The following BABAM2 variants were observed in gnomAD, a reference collection of about 807,000 sequenced individuals.
BABAM2 encodes BRISC and BRCA1 A complex member 2.
Under a neutral mutation model 54.7 loss-of-function variants are expected in BABAM2, and 31 were observed. The ratio of observed to expected loss-of-function variants is 0.57; its 90% CI spans 0.43 to 0.77. The LOEUF (loss-of-function observed/expected upper bound fraction) is 0.77, where lower values mean the gene tolerates loss of function less well. Among genes scored for constraint, BABAM2 ranks in the 30% least tolerant of loss-of-function variants. The probability of loss-of-function intolerance (pLI) is 0.00; values close to 1 mark genes in which losing one functional copy is unlikely to be tolerated. For missense variants in BABAM2, 364 were observed against 455.8 expected (o/e 0.80, Z 1.83); for synonymous variants, 167 against 162.9 (o/e 1.03, Z -0.19).
intron 7 of BABAM2, among the ~76,000 whole-genome samples, chr2:28,133,537 T>C (rs1008464371): frequency 1.3e-5 from 2 of 152,080 alleles, no homozygotes; most frequent in South Asian, 2.1e-4. Flanking sequence ...AATAGCCCCA[T>C]CCACACTGGG....
chr2:28,272,740 G>C (rs1171101381), intron 10 of BABAM2, among the ~76,000 whole-genome samples: 11 of 152,184 alleles, frequency 7.2e-5, no homozygotes, highest in Non-Finnish European at 1.6e-4. Context: ...TTGCCTGGCA[G>C]GGAAGTTTCT....
At chr2:28,227,438 G>A (rs1177118485) in intron 7 of BABAM2, among the ~76,000 whole-genome samples, 2 of 152,152 alleles carry the variant, frequency 1.3e-5, no homozygotes, top group Non-Finnish European at 2.9e-5. Flanking sequence ...GTTAAGTAGT[G>A]TCTGTGTCCT....
At chr2:28,315,958 C>A (rs1252244146) in intron 11 of BABAM2, among the ~76,000 whole-genome samples, 3 of 152,140 alleles carry the variant, frequency 2.0e-5, no homozygotes. Context: ...GGCTTGGGTT[C>A]TTTCACCCCT....
intron 2 of BABAM2, among the ~76,000 whole-genome samples, chr2:27,925,189 G>A (rs767600054): frequency 6.6e-6 from 1 of 152,124 alleles, no homozygotes; most frequent in African/African-American, 2.4e-5. Flanking sequence ...AAACACAAAG[G>A]TGAGGTTTTG....
intron 4 of BABAM2, among the ~76,000 whole-genome samples, chr2:28,021,122 G>A (rs1032409426): frequency 3.9e-5 from 6 of 152,250 alleles, no homozygotes; most frequent in African/African-American, 1.4e-4. Flanking sequence ...CATAATTTTT[G>A]CCCAACTTTC....
chr2:27,973,889 A>G lies in BABAM2; in HGVS notation c.206-14104A>G, dbSNP rs146893289. Among the ~76,000 whole-genome samples the G allele has an allele frequency of 3.4e-3, 519 of 152,324 alleles. 1 individual carries two copies. The highest frequency in any genetic ancestry group is 0.012 in the African/African-American group (494 of 41,572). On this transcript the variant is annotated intron_variant, in intron 3 of 11. Transcript: ENST00000379624. The stretch of plus-strand genomic sequence containing the variant: ...TTCTGATGAATCAAGTCCACAGAAG[A>G]TGGTTTAGTGCTTTCACTCTGAACC...
rs996291926 is a variant in BABAM2 at position 28,304,012 on chromosome 2, C to T, written c.1088+5521C>T. On this transcript the variant is annotated intron_variant, in intron 11 of 11. Coordinates refer to ENST00000379624, the MANE Select transcript of BABAM2 (RefSeq NM_199191.3). The surrounding 1 kb of genome is among the most constrained non-coding windows in gnomAD (Gnocchi z 4.0). ...TCTTGTGCCTCAGCCTCCTGAGTAC[C>T]CAGGACTACAGACGTGTGCCACCAC... Among the ~76,000 whole-genome samples the T allele has an allele frequency of 6.6e-6, 1 of 151,954 alleles. No individual in the cohort carries two copies. Among genetic ancestry groups the T allele is most frequent in the Non-Finnish European group, 1.5e-5 (1 of 68,008 alleles).
Position 28,025,300 on chromosome 2 carries a change from C to T in BABAM2, c.375C>T (p.His125=), listed in dbSNP as rs749284333. The T allele has an allele frequency of 1.7e-5, 28 of 1,612,696 alleles. No homozygotes were observed. In the Admixed American group the frequency reaches 4.5e-4, roughly 26 times the overall value. The change falls in exon 5 of 12, where the codon CAC becomes CAT. Residue 125 remains histidine, a synonymous_variant. Coordinates refer to ENST00000379624, the MANE Select transcript of BABAM2 (RefSeq NM_199191.3). Reference sequence around the variant, plus strand: ...TGAAGGAACTTGTGCAACAATATCACCAATTCCAATGTAGCCGCCTCCGGG... The same window carrying T: ...TGAAGGAACTTGTGCAACAATATCATCAATTCCAATGTAGCCGCCTCCGGG... ...LVVKELVQQY[H]QFQCSRLRES... is the part of the protein sequence containing the mutation.
At chr2:28,275,070 C>G (rs1012889730) in intron 10 of BABAM2, among the ~76,000 whole-genome samples, 1 of 151,976 alleles carries the variant, frequency 6.6e-6, no homozygotes, top group Non-Finnish European at 1.5e-5. Flanking sequence ...GACTCAGCCT[C>G]TGCCTTCGTT....
At chr2:28,025,635 G>A (rs1675599581) in intron 5 of BABAM2, 1 of 472,250 alleles carries the variant, frequency 2.1e-6, no homozygotes. Context: ...AAGATTCAGA[G>A]TCTCATCCCC....
chr2:28,331,391 C>T (rs1469731167), intron 11 of BABAM2, among the ~76,000 whole-genome samples: 3 of 152,026 alleles, frequency 2.0e-5, no homozygotes, highest in Non-Finnish European at 4.4e-5. Flanking sequence ...ACAACCTACA[C>T]AATGGGAGAA....
At chr2:28,133,579 A>G (rs1183196815) in intron 7 of BABAM2, among the ~76,000 whole-genome samples, 1 of 152,218 alleles carries the variant, frequency 6.6e-6, no homozygotes, top group Non-Finnish European at 1.5e-5. Context: ...TTGCATTCCC[A>G]CCATCTCCTC....
intron 6 of BABAM2, among the ~76,000 whole-genome samples, chr2:28,120,322 A>G (rs578133695): frequency 6.6e-6 from 1 of 152,342 alleles, no homozygotes; most frequent in African/African-American, 2.4e-5. Context: ...TTTAGAAACT[A>G]AATGTAGAAC....
intron 3 of BABAM2, among the ~76,000 whole-genome samples, chr2:27,987,403 A>G (rs551569375): frequency 1.3e-5 from 2 of 152,334 alleles, no homozygotes; most frequent in East Asian, 3.9e-4. Flanking sequence ...GTTACCTGTA[A>G]AAATAATCAG....
chr2:28,264,633 G>A (rs948298867), intron 10 of BABAM2, among the ~76,000 whole-genome samples: 1 of 152,200 alleles, frequency 6.6e-6, no homozygotes, highest in African/African-American at 2.4e-5. Context: ...AGAAGGTAGA[G>A]CCCATTTGGA....
chr2:28,234,204 C>T (rs1681693234), intron 7 of BABAM2, among the ~76,000 whole-genome samples: 2 of 152,080 alleles, frequency 1.3e-5, no homozygotes, highest in South Asian at 4.1e-4. Flanking sequence ...GTTTTTTTCA[C>T]ATGTAAAATT....
chr2:28,072,862 G>A (rs1377850694), intron 6 of BABAM2, among the ~76,000 whole-genome samples: 1 of 152,198 alleles, frequency 6.6e-6, no homozygotes, highest in Non-Finnish European at 1.5e-5. Flanking sequence ...AACGACTACT[G>A]TCCTGTAACC....
At chr2:28,168,675 C>A (rs141278131) in intron 7 of BABAM2, among the ~76,000 whole-genome samples, 11 of 152,324 alleles carry the variant, frequency 7.2e-5, no homozygotes, top group African/African-American at 2.6e-4. Flanking sequence ...TCATTCCGAT[C>A]AGGTTTCTAA....
At chr2:28,204,212 G>A (rs1467206975) in intron 7 of BABAM2, among the ~76,000 whole-genome samples, 1 of 151,902 alleles carries the variant, frequency 6.6e-6, no homozygotes, top group African/African-American at 2.4e-5. Flanking sequence ...TGTTCATTTT[G>A]TCTGTAATGT....
Sources: gnomAD v4.1 joint callset for allele counts (sites outside exome capture counted in the v4.1 genomes callset) on GRCh38, gnomAD v4.1.1 for gene constraint, Gnocchi (gnomAD v3.1) non-coding constraint, MANE v1.5 for transcripts, NCBI Gene and HGNC (gene_info 2026-07-23, HGNC 2026-07-21) for gene names.